Variants in CELF2 observed in about 807,000 individuals in gnomAD.
CELF2 encodes the protein CUG triplet repeat RNA-binding protein 2.
Under a neutral mutation model 62.6 loss-of-function variants are expected in CELF2, and 8 were observed. That is an observed-to-expected ratio of 0.13 (90% CI 0.07 to 0.23). The LOEUF (loss-of-function observed/expected upper bound fraction) is 0.23, where lower values mean the gene tolerates loss of function less well. Ranked by LOEUF, CELF2 falls within the 10% of genes least tolerant of loss-of-function variation. The pLI is 1.00. For synonymous variants in CELF2, 258 were observed against 250.0 expected, an observed-to-expected ratio of 1.03 and a Z score of -0.30; for missense variants, 333 against 671.0, an observed-to-expected ratio of 0.50 and a Z score of 5.56.
chr10:10,847,476 A>G (rs923996397), intron 1 of CELF2, among the ~76,000 whole-genome samples: 1 of 152,182 alleles, frequency 6.6e-6, no homozygotes, highest in Non-Finnish European at 1.5e-5. Flanking sequence ...GAAGAAATGC[A>G]TGCTCGTCCT....
chr10:10,745,520 T>A, the CELF2 span, among the ~76,000 whole-genome samples: 1 of 152,206 alleles, frequency 6.6e-6, no homozygotes, highest in Non-Finnish European at 1.5e-5. Context: ...CAGAGCAGCC[T>A]GTCTCCTCCT....
chr10:10,698,926 G>T, the CELF2 span, among the ~76,000 whole-genome samples: 1 of 151,614 alleles, frequency 6.6e-6, no homozygotes, highest in Non-Finnish European at 1.5e-5. Flanking sequence ...GTGGCTTTAG[G>T]TAAATATATA....
the CELF2 span, among the ~76,000 whole-genome samples, chr10:10,759,579 G>T: frequency 6.6e-6 from 1 of 152,012 alleles, no homozygotes; most frequent in African/African-American, 2.4e-5. Context: ...AAAGTGCTGG[G>T]ACTACAGGTG....
the CELF2 span, among the ~76,000 whole-genome samples, chr10:10,688,907 G>A: frequency 1.3e-5 from 2 of 151,996 alleles, no homozygotes; most frequent in Non-Finnish European, 2.9e-5. Context: ...GGGAGGCTAA[G>A]GCAGGAGAAT....
At chr10:10,520,647 C>T in the CELF2 span, among the ~76,000 whole-genome samples, 1 of 151,856 alleles carries the variant, frequency 6.6e-6, no homozygotes, top group Non-Finnish European at 1.5e-5. Flanking sequence ...AGCCGGAAAG[C>T]CAAAGCACAA....
intron 1 of CELF2, among the ~76,000 whole-genome samples, chr10:11,062,232 A>T (rs2140500534): frequency 6.6e-6 from 1 of 152,362 alleles, no homozygotes; most frequent in Admixed American, 6.5e-5. Context: ...GGAGATGTAC[A>T]AAGAGATTAA....
At chr10:11,133,450 C>T (rs559298970) in intron 1 of CELF2, among the ~76,000 whole-genome samples, 7 of 152,272 alleles carry the variant, frequency 4.6e-5, no homozygotes, top group Non-Finnish European at 8.8e-5. Flanking sequence ...TTACTTTTCA[C>T]AGTTTAGAGG....
At chr10:10,566,919 T>C in the CELF2 span, among the ~76,000 whole-genome samples, 1 of 152,162 alleles carries the variant, frequency 6.6e-6, no homozygotes, top group Non-Finnish European at 1.5e-5. Flanking sequence ...ACTCAGATTA[T>C]ACAAGCTATA....
At chr10:10,866,459 G>A (rs2060369336) in intron 1 of CELF2, among the ~76,000 whole-genome samples, 1 of 151,704 alleles carries the variant, frequency 6.6e-6, no homozygotes, top group Non-Finnish European at 1.5e-5. Flanking sequence ...ACAAAAATTA[G>A]CCAGGCATGG....
chr10:11,099,883 A>T, intron 1 of CELF2, among the ~76,000 whole-genome samples: 1 of 82,222 alleles, frequency 1.2e-5, no homozygotes, highest in East Asian at 2.2e-4. Flanking sequence ...AACAACAACA[A>T]CAAAAAAAAA....
In CELF2 at chr10:11,330,716, A is replaced by G. The variant is rs2132903389; in HGVS notation, c.*1663A>G. On this transcript the variant is annotated 3_prime_UTR_variant, in exon 13 of 13. Transcript: ENST00000633077. The surrounding 1 kb of genome is among the most constrained non-coding windows in gnomAD (Gnocchi z 4.5). ...TATTATTAGACAAATTCATTATAGA[A>G]AAAACCTGTGGCAAAAACGTTTCTT... 1 of 152,786 alleles carries G rather than the reference A, an allele frequency of 6.5e-6. No individual in the cohort carries two copies. 9.5% of individuals were successfully genotyped at this position (152,786 alleles called of 1,614,324 possible).
rs935512864 is a variant in CELF2, at chr10:11,207,804, C to T, written c.272-9621C>T. 2.6e-5 allele frequency among the ~76,000 whole-genome samples: 4 copies of T among 152,158 alleles called. No homozygotes were observed. Among genetic ancestry groups the T allele is most frequent in the Non-Finnish European group, 5.9e-5 (4 of 68,044 alleles). Reference sequence around the variant, plus strand: ...TCTATAAAACTAAGCTAATTGGATACGGTTTCCTTAAAAGTAGATTTCTAC... The same window carrying T: ...TCTATAAAACTAAGCTAATTGGATATGGTTTCCTTAAAAGTAGATTTCTAC... On this transcript the variant is annotated intron_variant, in intron 2 of 12. Coordinates refer to ENST00000633077, the MANE Select transcript of CELF2 (RefSeq NM_001326342.2). This position sits in a 1 kb window ranked among gnomAD's most constrained non-coding sequence, Gnocchi z 4.1.
At chr10:11,274,752 C>G (rs2085333139) in intron 7 of CELF2, among the ~76,000 whole-genome samples, 1 of 152,186 alleles carries the variant, frequency 6.6e-6, no homozygotes, top group African/African-American at 2.4e-5. Flanking sequence ...TGCTAGACTA[C>G]AGAGAGAGAT....
the CELF2 span, among the ~76,000 whole-genome samples, chr10:10,621,828 G>T: frequency 6.6e-6 from 1 of 152,098 alleles, no homozygotes; most frequent in Admixed American, 6.5e-5. Context: ...GGCATCTATG[G>T]CTGAACCTTA....
At chr10:11,037,723 G>T (rs1265298043) in intron 1 of CELF2, among the ~76,000 whole-genome samples, 1 of 152,162 alleles carries the variant, frequency 6.6e-6, no homozygotes, top group Non-Finnish European at 1.5e-5. Flanking sequence ...CGAGGTGAAG[G>T]TTCCTCGTGG....
chr10:10,988,448 A>G (rs909855952), intron 2 of CELF2, among the ~76,000 whole-genome samples: 1 of 152,122 alleles, frequency 6.6e-6, no homozygotes, highest in Non-Finnish European at 1.5e-5. Flanking sequence ...CTCACTTATA[A>G]GTGGGAGCTA....
intron 2 of CELF2, chr10:10,923,869 A>T (rs2065160418): frequency 6.6e-6 from 1 of 152,038 alleles, no homozygotes; most frequent in South Asian, 2.1e-4. Context: ...CTTATAAATG[A>T]CTCCTTGCTT....
chr10:10,506,515 C>T, the CELF2 span, among the ~76,000 whole-genome samples: 3 of 151,920 alleles, frequency 2.0e-5, no homozygotes, highest in African/African-American at 7.3e-5. Context: ...CCACTCCACC[C>T]ATTCCCTACC....
chr10:10,925,482 CA>C (rs764824482), intron 2 of CELF2, among the ~76,000 whole-genome samples: 4 of 152,006 alleles, frequency 2.6e-5, no homozygotes, highest in Non-Finnish European at 5.9e-5. Context: ...AGACGGACAC[CA>C]TCTCTTCTCT....
Sources: gnomAD v4.1 joint callset for allele counts (sites outside exome capture counted in the v4.1 genomes callset) on GRCh38, gnomAD v4.1.1 for gene constraint, Gnocchi (gnomAD v3.1) non-coding constraint, MANE v1.5 for transcripts, NCBI Gene and HGNC (gene_info 2026-07-23, HGNC 2026-07-21) for gene names.